The following TAX1BP1 variants were observed in gnomAD, a reference collection of about 807,000 sequenced individuals.
TAX1BP1 encodes Tax1 binding protein 1, also known as tax1-binding protein 1.
Under a neutral mutation model 97.7 loss-of-function variants are expected in TAX1BP1, and 62 were observed. That is an observed-to-expected ratio of 0.63 (90% confidence interval 0.52 to 0.78). The LOEUF (loss-of-function observed/expected upper bound fraction) is 0.78. Among genes scored for constraint, TAX1BP1 ranks in the 30% least tolerant of loss-of-function variants. The pLI is 0.00. For missense variants in TAX1BP1, 867 were observed against 916.1 expected (o/e 0.95, Z 0.69); for synonymous variants, 340 against 304.2 (o/e 1.12, Z -1.23).
intron 15 of TAX1BP1, among the ~76,000 whole-genome samples, chr7:27,826,082 T>C (rs1791168514): frequency 1.3e-5 from 2 of 152,218 alleles, no homozygotes; most frequent in African/African-American, 4.8e-5. Flanking sequence ...TAGAGTAACC[T>C]GGCACAAAAT....
intron 2 of TAX1BP1, among the ~76,000 whole-genome samples, chr7:27,754,401 ATATTTATAATTATACT>A (rs1788133385): frequency 6.7e-6 from 1 of 148,210 alleles, no homozygotes; most frequent in African/African-American, 2.4e-5. Context: ...TAATATATAA[ATATTTATAATTATACT>A]TATTTATAAT....
At chr7:27,780,819 T>C (rs1032027811) in intron 5 of TAX1BP1, among the ~76,000 whole-genome samples, 2 of 152,144 alleles carry the variant, frequency 1.3e-5, no homozygotes, top group Non-Finnish European at 2.9e-5. Context: ...CATAATATAT[T>C]ATTTCTACAA....
intron 5 of TAX1BP1, 118 bp from the exon 6 acceptor site, chr7:27,785,045 G>A (rs529137773): frequency 1.0e-6 from 1 of 995,138 alleles, no homozygotes; most frequent in Non-Finnish European, 1.4e-6. Context: ...CTCAAATTTG[G>A]AGGGAACAAA....
intron 10 of TAX1BP1, among the ~76,000 whole-genome samples, chr7:27,793,539 A>G (rs1001750319): frequency 2.6e-5 from 4 of 152,158 alleles, no homozygotes; most frequent in African/African-American, 7.2e-5. Context: ...CATGACATCT[A>G]TCCTCATTGG....
intron 3 of TAX1BP1, among the ~76,000 whole-genome samples, chr7:27,765,013 T>G (rs1263522282): frequency 7.1e-6 from 1 of 141,582 alleles, no homozygotes; most frequent in Non-Finnish European, 1.5e-5. Context: ...CTCTCTGTTT[T>G]TTTTTTTTTT....
At chr7:27,794,995 A>G (rs2128318786) in intron 11 of TAX1BP1, among the ~76,000 whole-genome samples, 1 of 152,344 alleles carries the variant, frequency 6.6e-6, no homozygotes, top group South Asian at 2.1e-4. Flanking sequence ...ATAGAGAGAC[A>G]TAGTGAGAAC....
At chr7:27,809,548 G>A (rs1366760486) in intron 13 of TAX1BP1, among the ~76,000 whole-genome samples, 1 of 152,170 alleles carries the variant, frequency 6.6e-6, no homozygotes, top group Non-Finnish European at 1.5e-5. Context: ...TTGGAGGGGA[G>A]AGTTCAGTCT....
intron 1 of TAX1BP1, among the ~76,000 whole-genome samples, chr7:27,744,775 C>T (rs1288575050): frequency 2.0e-5 from 3 of 151,992 alleles, no homozygotes; most frequent in African/African-American, 4.8e-5. Context: ...GCTTCCCTGC[C>T]CCCACCCCAT....
chr7:27,814,028 C>T (rs1053032677), intron 13 of TAX1BP1, among the ~76,000 whole-genome samples: 3 of 151,474 alleles, frequency 2.0e-5, no homozygotes, highest in African/African-American at 7.3e-5. Context: ...AGAAATAACT[C>T]CTCATGATCC....
intron 13 of TAX1BP1, among the ~76,000 whole-genome samples, chr7:27,810,742 G>T (rs1420571329): frequency 6.6e-6 from 1 of 152,066 alleles, no homozygotes; most frequent in African/African-American, 2.4e-5. Context: ...CCAAAGTGCT[G>T]GGATTATAGG....
At chr7:27,753,875 A>G (rs1281811933) in intron 2 of TAX1BP1, among the ~76,000 whole-genome samples, 1 of 152,246 alleles carries the variant, frequency 6.6e-6, no homozygotes, top group African/African-American at 2.4e-5. Context: ...CTAAAACCAC[A>G]CAAAGTGAAA....
Position 27,787,531 on chromosome 7 carries a change from T to A in TAX1BP1, c.966T>A (p.Ile322=). 3 of 1,613,790 alleles carry A rather than the reference T, an allele frequency of 1.9e-6. No homozygotes were observed. ...ESVITHFKEE[I]GRLQLCLAEK... is the part of the protein sequence containing the mutation. The stretch of plus-strand genomic sequence containing the variant: ...TGATTACTCATTTCAAAGAAGAGAT[T>A]GGCAGGCTGCAGTTATGTTTGGCTG... Residue 322 remains isoleucine (I), a synonymous_variant, in exon 8 of 17, where the codon ATT becomes ATA. Coordinates refer to ENST00000396319, the MANE Select transcript of TAX1BP1 (RefSeq NM_006024.7).
rs746523314 is a variant in TAX1BP1, at chr7:27,817,085, A to G, written c.2085+47A>G. The stretch of plus-strand genomic sequence containing the variant: ...TGAGCCTGTCCCTTTTTTATTTTTT[A>G]GCTTATGTAGAGAGTTAAGGGTATG... On this transcript the variant is annotated intron_variant, in intron 15 of 16. Transcript: ENST00000396319. 5 of 1,582,002 alleles carry G rather than the reference A, an allele frequency of 3.2e-6. No homozygotes were observed. The South Asian group carries it at 5.8e-5, about 18-fold the overall frequency.
Position 27,795,725 on chromosome 7 carries a change from TG to T in TAX1BP1, c.1535-390del, listed in dbSNP as rs1415339553. Among the ~76,000 whole-genome samples the T allele has an allele frequency of 3.3e-5, 5 of 152,226 alleles. No homozygotes were observed. In the South Asian group the frequency reaches 8.3e-4, roughly 25 times the overall value. On this transcript the variant is annotated intron_variant, in intron 11 of 16. Transcript: ENST00000396319. ...GTGTCACCACGCCTGGCTAATTTTT[TG>T]TATTTTTAGTAGAGACAGGATTTCA...
chr7:27,774,487 TTCA>T (rs2128313560), intron 5 of TAX1BP1, among the ~76,000 whole-genome samples: 1 of 152,248 alleles, frequency 6.6e-6, no homozygotes, highest in African/African-American at 2.4e-5. Flanking sequence ...TGTCTCTTTA[TTCA>T]TCAAGTATTT....
intron 13 of TAX1BP1, among the ~76,000 whole-genome samples, chr7:27,802,072 T>C (rs1352414694): frequency 6.6e-6 from 1 of 152,214 alleles, no homozygotes; most frequent in Non-Finnish European, 1.5e-5. Flanking sequence ...GTGGAGCGCG[T>C]AGTCTGCGAA....
chr7:27,811,297 G>A (rs1038379681), intron 13 of TAX1BP1, among the ~76,000 whole-genome samples: 5 of 152,178 alleles, frequency 3.3e-5, no homozygotes, highest in South Asian at 2.1e-4. Flanking sequence ...ATATGTGGAC[G>A]TGTATGTTAT....
intron 13 of TAX1BP1, among the ~76,000 whole-genome samples, chr7:27,811,214 TTAAA>T (rs1001215439): frequency 6.6e-6 from 1 of 152,204 alleles, no homozygotes; most frequent in African/African-American, 2.4e-5. Flanking sequence ...ATTTTTGCAG[TTAAA>T]TAATGAGTGG....
At chr7:27,780,912 A>G (rs1280364188) in intron 5 of TAX1BP1, among the ~76,000 whole-genome samples, 1 of 152,152 alleles carries the variant, frequency 6.6e-6, no homozygotes, top group African/African-American at 2.4e-5. Context: ...AGTTTATTTC[A>G]TAAGACTACA....
Sources: allele counts gnomAD v4.1 joint callset (sites outside exome capture counted in the v4.1 genomes callset), GRCh38; gene constraint gnomAD v4.1.1; transcripts MANE v1.5; gene names NCBI Gene and HGNC (gene_info 2026-07-23, HGNC 2026-07-21).